NCKAP5: variants seen among roughly 807,000 people sequenced by gnomAD.
The protein encoded by NCKAP5 is nck-associated protein 5.
Under a neutral mutation model 167.0 loss-of-function variants are expected in NCKAP5, and 92 were observed. The observed-to-expected ratio is 0.55, with a 90% CI of 0.47 to 0.66. The LOEUF (loss-of-function observed/expected upper bound fraction) is 0.66. Ranked by LOEUF, NCKAP5 falls within the 30% of genes least tolerant of loss-of-function variation. The pLI, the probability that NCKAP5 is intolerant of heterozygous loss-of-function variation, is 0.00. For missense variants in NCKAP5, 2,378 were observed against 2,315.0 expected (o/e 1.03, Z -0.56); for synonymous variants, 891 against 877.4 (o/e 1.02, Z -0.27).
chr2:133,113,219 T>G (rs148104873), intron 6 of NCKAP5, among the ~76,000 whole-genome samples: 1,892 of 151,716 alleles, frequency 0.012, 22 homozygotes, highest in Non-Finnish European at 0.021. Context: ...TTTTTTTTTC[T>G]TGAATATGTT....
At chr2:133,412,923 G>GTGTA (rs977062588) in intron 3 of NCKAP5, among the ~76,000 whole-genome samples, 10 of 152,220 alleles carry the variant, frequency 6.6e-5, no homozygotes, top group Non-Finnish European at 1.0e-4. Context: ...CCACCTTGAA[G>GTGTA]TGTACTACAA....
intron 8 of NCKAP5, among the ~76,000 whole-genome samples, chr2:132,911,828 T>C (rs1430791519): frequency 6.6e-6 from 1 of 152,174 alleles, no homozygotes; most frequent in Admixed American, 6.5e-5. Flanking sequence ...TCCTATTACA[T>C]ACATCTGCTG....
chr2:132,694,769 A>C (rs1687145930), intron 19 of NCKAP5, among the ~76,000 whole-genome samples: 1 of 152,230 alleles, frequency 6.6e-6, no homozygotes, highest in African/African-American at 2.4e-5. Flanking sequence ...ATGAAGTAAA[A>C]TATGCATAGG....
At chr2:133,021,876 C>T (rs2078541370) in intron 6 of NCKAP5, among the ~76,000 whole-genome samples, 1 of 152,156 alleles carries the variant, frequency 6.6e-6, no homozygotes, top group African/African-American at 2.4e-5. Context: ...GGAAATCCAC[C>T]CTCCTCCACC....
intron 4 of NCKAP5, among the ~76,000 whole-genome samples, chr2:133,284,437 G>A (rs2090036105): frequency 6.6e-6 from 1 of 152,150 alleles, no homozygotes; most frequent in Admixed American, 6.5e-5. Context: ...AGTATGTGTG[G>A]GTCATGTTAT....
chr2:133,111,262 C>T lies in NCKAP5; in HGVS notation c.341+18716G>A, dbSNP rs117593270. Among the ~76,000 whole-genome samples, 270 of 152,184 alleles carry T rather than the reference C, an allele frequency of 1.8e-3. 9 individuals are homozygous for T. Among genetic ancestry groups the T allele is most frequent in the Admixed American group, 0.013 (201 of 15,288 alleles). ...GTGATTATTACTGTAGACAAAGAAC[C>T]CTCTAAAAGCAGATTGTTGCTGTAG... is the stretch of plus-strand genomic sequence containing the variant. On this transcript the variant is annotated intron_variant, in intron 6 of 19. Transcript: ENST00000409261.
intron 3 of NCKAP5, among the ~76,000 whole-genome samples, chr2:133,510,767 G>A: frequency 6.6e-6 from 1 of 152,232 alleles, no homozygotes; most frequent in East Asian, 1.9e-4. Flanking sequence ...TAGCTGTGCA[G>A]ATGCATTGTA....
intron 12 of NCKAP5, among the ~76,000 whole-genome samples, chr2:132,793,408 G>A (rs1014862049): frequency 1.3e-5 from 2 of 152,186 alleles, no homozygotes; most frequent in Non-Finnish European, 2.9e-5. Flanking sequence ...GCAGAGAGGT[G>A]TCCTCTAAGA....
At chr2:133,266,355 G>A (rs1459444565) in intron 4 of NCKAP5, 1 of 153,224 alleles carries the variant, frequency 6.5e-6, no homozygotes, top group African/African-American at 2.4e-5. Flanking sequence ...AGAGGGCAGA[G>A]AGGGGTCAAG....
intron 3 of NCKAP5, among the ~76,000 whole-genome samples, chr2:133,382,415 A>G (rs1477836439): frequency 6.6e-6 from 1 of 152,146 alleles, no homozygotes; most frequent in African/African-American, 2.4e-5. Flanking sequence ...ACCTTCACTT[A>G]AACCATTCAA....
chr2:133,464,884 A>C, intron 3 of NCKAP5, among the ~76,000 whole-genome samples: 1 of 151,850 alleles, frequency 6.6e-6, no homozygotes, highest in Middle Eastern at 3.2e-3. Context: ...CCAACGTGGC[A>C]TGGGGCTCTC....
At chr2:133,369,247 T>C (rs1046777702) in intron 3 of NCKAP5, among the ~76,000 whole-genome samples, 2 of 152,118 alleles carry the variant, frequency 1.3e-5, no homozygotes, top group African/African-American at 4.8e-5. Flanking sequence ...CAGGTGAGGA[T>C]GATGTCGTGG....
At chr2:132,902,944 G>A (rs1411267650) in intron 8 of NCKAP5, among the ~76,000 whole-genome samples, 1 of 152,150 alleles carries the variant, frequency 6.6e-6, no homozygotes, top group Non-Finnish European at 1.5e-5. Flanking sequence ...TGATAGGAGA[G>A]GTGGCTTTGG....
At chr2:132,768,637 C>CTTTTTT (rs566719697) in intron 16 of NCKAP5, among the ~76,000 whole-genome samples, 1 of 124,586 alleles carries the variant, frequency 8.0e-6, no homozygotes. Context: ...TTAATAATAT[C>CTTTTTT]TTTTTTTTTT....
chr2:133,169,808 T>C (rs1314010710), intron 5 of NCKAP5, among the ~76,000 whole-genome samples: 1 of 152,176 alleles, frequency 6.6e-6, no homozygotes, highest in Non-Finnish European at 1.5e-5. Context: ...TGATATGAAA[T>C]GACCCTGGCA....
intron 16 of NCKAP5, among the ~76,000 whole-genome samples, chr2:132,767,884 G>A (rs1335316757): frequency 6.6e-6 from 1 of 152,236 alleles, no homozygotes; most frequent in Non-Finnish European, 1.5e-5. Context: ...GGCAGTATCA[G>A]TTTCTCAAGT....
At chr2:133,615,062 G>A in the NCKAP5 span, among the ~76,000 whole-genome samples, 3 of 150,566 alleles carry the variant, frequency 2.0e-5, no homozygotes, top group African/African-American at 7.3e-5. Context: ...CTTCATAAGT[G>A]AAGGAGAAAT....
chr2:133,553,615 G>C (rs16826387), intron 2 of NCKAP5, among the ~76,000 whole-genome samples: 3 of 152,044 alleles, frequency 2.0e-5, no homozygotes, highest in Non-Finnish European at 4.4e-5. Flanking sequence ...GTGGGCTAGA[G>C]CCAAATCACA....
chr2:132,962,710 C>T (rs1461806869), intron 8 of NCKAP5, among the ~76,000 whole-genome samples: 35 of 152,172 alleles, frequency 2.3e-4, no homozygotes, highest in Admixed American at 2.3e-3. Context: ...CCTGCCTCAG[C>T]CTCCTGAGTA....
Sources: allele counts gnomAD v4.1 joint callset (sites outside exome capture counted in the v4.1 genomes callset), GRCh38; gene constraint gnomAD v4.1.1; transcripts MANE v1.5; gene names NCBI Gene and HGNC (gene_info 2026-07-23, HGNC 2026-07-21).